ATP4B: variants seen among roughly 807,000 people sequenced by gnomAD.
ATP4B encodes the protein ATPase H+/K+ transporting subunit beta.
ATP4B carries 27 observed loss-of-function variants against 35.3 expected under a neutral mutation model. The observed-to-expected ratio is 0.76, with a 90% CI of 0.56 to 1.05. ATP4B has a LOEUF of 1.05. Among genes scored for constraint, ATP4B ranks in the 50% least tolerant of loss-of-function variants. The pLI is 0.00. For synonymous variants in ATP4B, 162 were observed against 156.0 expected (o/e 1.04, Z -0.29); for missense variants, 375 against 384.8 (o/e 0.97, Z 0.21).
In ATP4B at chr13:113,650,087, C is replaced by T. The variant is rs1391986987; in HGVS notation, c.714+319G>A. ...CTGAGGTGGGAGGATCACTTGAGCC[C>T]AGGTGGTTGAGGCTGCAATGAGCTA... On this transcript the variant is annotated intron_variant, in intron 6 of 6. Transcript: ENST00000335288. The surrounding 1 kb of genome is among the most constrained non-coding windows in gnomAD (Gnocchi z 5.0). Among the ~76,000 whole-genome samples, 4 of 151,264 alleles carry T rather than the reference C, an allele frequency of 2.6e-5. No homozygotes were observed. Among genetic ancestry groups the T allele is most frequent in the African/African-American group, 9.7e-5 (4 of 41,142 alleles).
chr13:113,654,757 G>T, intron 2 of ATP4B, 57 bp downstream of exon 2: 1 of 1,584,370 alleles, frequency 6.3e-7, no homozygotes, highest in South Asian at 1.2e-5. Context: ...CTCCAGAGCC[G>T]AGGAGGCGGC....
Position 113,649,503 on chromosome 13 carries a change from C to G in ATP4B, c.747G>C (p.Lys249Asn). 6.5e-7 allele frequency: 1 copy of G among 1,544,320 alleles called. No homozygotes were observed. The highest frequency in any genetic ancestry group is 8.8e-7 in the Non-Finnish European group (1 of 1,140,868). ...PHYSNPLVAA[K>N]LLNIPRNAEV... The stretch of plus-strand genomic sequence containing the variant: ...CAGCGTTCCTGGGGATGTTGAGGAG[C>G]TTCGCTGCCACCAGGGGGTTGCTGT... The change falls in exon 7 of 7, where the codon AAG becomes AAC. Residue 249 changes from lysine to asparagine, a missense_variant. Coordinates refer to ENST00000335288, the MANE Select transcript of ATP4B (RefSeq NM_000705.4). This position sits in a 1 kb window ranked among gnomAD's most constrained non-coding sequence, Gnocchi z 4.7.
chr13:113,649,630 C>T lies in ATP4B; in HGVS notation c.715-95G>A. ...GGAAGTGTCAACAGTCAGGTTGGTG[C>T]AGAGAAGCAGCTCTTTTGTGTAAGA... On this transcript the variant is annotated intron_variant, in intron 6 of 6. Transcript: ENST00000335288. This position sits in a 1 kb window ranked among gnomAD's most constrained non-coding sequence, Gnocchi z 4.7. 6 of 1,364,496 alleles carry T rather than the reference C, an allele frequency of 4.4e-6. No individual in the cohort carries two copies. In the East Asian group the frequency reaches 1.6e-4, roughly 37 times the overall value. 84.5% of individuals were successfully genotyped at this position (1,364,496 alleles called of 1,614,324 possible).
chr13:113,652,691 TGTATCTA>T, intron 4 of ATP4B, 175 bp downstream of exon 4: 2 of 721,764 alleles, frequency 2.8e-6, no homozygotes, highest in Non-Finnish European at 5.0e-6. Context: ...GTTTCAAATT[TGTATCTA>T]AGAACCACAC....
chr13:113,653,259 CCCGCCG>C (rs2049727299), intron 3 of ATP4B, 56 bp downstream of exon 3: 19 of 1,525,572 alleles, frequency 1.2e-5, no homozygotes, highest in Non-Finnish European at 1.4e-5. Flanking sequence ...ACCTCACCCA[CCCGCCG>C]CTTCACACCT....
chr13:113,656,607 G>A (rs766897321), intron 1 of ATP4B, among the ~76,000 whole-genome samples: 16 of 152,172 alleles, frequency 1.1e-4, no homozygotes, highest in Non-Finnish European at 2.2e-4. Flanking sequence ...TCCTGGGGCC[G>A]GCCGGGTGCA....
Position 113,650,443 on chromosome 13 carries a change from C to A in ATP4B, c.677G>T (p.Ser226Ile). The A allele has an allele frequency of 6.2e-7, 1 of 1,614,100 alleles. No homozygotes were observed. The highest frequency in any genetic ancestry group is 1.1e-5 in the South Asian group (1 of 91,086). ...CCCGTAATAAGGGAAGTAGTGCAGA[C>A]TGAAGGTGCCGTTGGGAGGGTAGTA... is the stretch of plus-strand genomic sequence containing the variant. ...VKYYPPNGTF[S>I]LHYFPYYGKK... is the part of the protein sequence containing the mutation. Residue 226 changes from serine to isoleucine, a missense_variant, in exon 6 of 7, where the codon AGT becomes ATT. Ser to Ile is a moderately radical substitution (Grantham distance 142, BLOSUM62 -2). Coordinates refer to ENST00000335288, the MANE Select transcript of ATP4B (RefSeq NM_000705.4). This position sits in a 1 kb window ranked among gnomAD's most constrained non-coding sequence, Gnocchi z 5.0.
intron 2 of ATP4B, 24 bp from the exon 3 acceptor site, chr13:113,653,458 T>C (rs371178123): frequency 1.3e-6 from 2 of 1,595,904 alleles, no homozygotes; most frequent in Non-Finnish European, 8.6e-7. Flanking sequence ...CCTTTGTGCT[T>C]AGCGTCTCCA....
In ATP4B at chr13:113,649,155, C is replaced by T. The variant is rs1025919620; in HGVS notation, c.*219G>A. On this transcript the variant is annotated 3_prime_UTR_variant, in exon 7 of 7. Transcript: ENST00000335288. The surrounding 1 kb of genome is among the most constrained non-coding windows in gnomAD (Gnocchi z 4.7). ...CTGGACATTCTTATAGCAGCAAATT[C>T]CATCTAAAAACTGTAAGAATTCAAC... 1.4e-4 allele frequency: 62 copies of T among 434,990 alleles called. No homozygotes were observed. The highest frequency in any genetic ancestry group is 2.3e-4 in the Non-Finnish European group (58 of 249,306). The allele number at this position is 434,990 out of a possible 1,614,324, so 26.9% of individuals were successfully genotyped here.
In ATP4B at chr13:113,651,738, A is replaced by C; in HGVS notation, c.556-11T>G. ...GAGGAACTTGACGATCTAGAAGGGA[A>C]AAGCTTGAGCGTGGCCGCTCCCCAC... On this transcript the variant is annotated splice_polypyrimidine_tract_variant and intron_variant, in intron 4 of 6. Transcript: ENST00000335288. The C allele has an allele frequency of 6.2e-7, 1 of 1,613,406 alleles. No homozygotes were observed.
At chr13:113,656,282 G>A (rs919451848) in intron 1 of ATP4B, among the ~76,000 whole-genome samples, 7 of 152,172 alleles carry the variant, frequency 4.6e-5, no homozygotes, top group African/African-American at 1.4e-4. Context: ...ACCTACGCTC[G>A]TGACGGCAGG....
chr13:113,651,980 G>A lies in ATP4B; in HGVS notation c.556-253C>T, dbSNP rs556990604. Among the ~76,000 whole-genome samples the A allele has an allele frequency of 9.9e-5, 15 of 152,192 alleles. No homozygotes were observed. In the South Asian group the frequency reaches 1.2e-3, roughly 13 times the overall value. On this transcript the variant is annotated intron_variant, in intron 4 of 6. Coordinates refer to ENST00000335288, the MANE Select transcript of ATP4B (RefSeq NM_000705.4). Reference sequence around the variant, plus strand: ...CCACTTGGCCCAGGCTTCAGGAGGCGGCTGGCAGGAGGCAGAGCTGGGGCG... The same window carrying A: ...CCACTTGGCCCAGGCTTCAGGAGGCAGCTGGCAGGAGGCAGAGCTGGGGCG...
intron 1 of ATP4B, among the ~76,000 whole-genome samples, chr13:113,656,083 C>G (rs2049752384): frequency 6.6e-6 from 1 of 152,260 alleles, no homozygotes; most frequent in African/African-American, 2.4e-5. Flanking sequence ...GCCACAGCAG[C>G]TTGGCTTCAG....
At position 113,650,393 on chromosome 13, in the gene ATP4B, G is replaced by T. The variant is rs778828897; in HGVS notation, c.714+13C>A. 1 of 1,612,228 alleles carries T rather than the reference G, an allele frequency of 6.2e-7. No homozygotes were observed. The highest frequency in any genetic ancestry group is 1.1e-5 in the South Asian group (1 of 91,008). On this transcript the variant is annotated intron_variant, in intron 6 of 6. Coordinates refer to ENST00000335288, the MANE Select transcript of ATP4B (RefSeq NM_000705.4). The surrounding 1 kb of genome is among the most constrained non-coding windows in gnomAD (Gnocchi z 5.0). ...CAGCTGTGGTGAGGGAAGCGTGGAA[G>T]GAAGGAACCTACCTGGGCTTTCTTC...
In ATP4B at chr13:113,649,092, G is replaced by A. The variant is rs955139640; in HGVS notation, c.*282C>T. The A allele has an allele frequency of 1.1e-5, 3 of 282,544 alleles. No individual in the cohort carries two copies. The highest frequency in any genetic ancestry group is 2.2e-5 in the African/African-American group (1 of 44,568). 17.5% of individuals were successfully genotyped at this position (282,544 alleles called of 1,614,324 possible). A position where few individuals can be genotyped will look rare whatever the true frequency, so the allele number is the denominator to read the frequency against. ...GAAGACGAATCGTTTTTATGACCTG[G>A]TTAATTAGAGAGTTGCTGCCTTGCG... On this transcript the variant is annotated 3_prime_UTR_variant, in exon 7 of 7. Coordinates refer to ENST00000335288, the MANE Select transcript of ATP4B (RefSeq NM_000705.4). This position sits in a 1 kb window ranked among gnomAD's most constrained non-coding sequence, Gnocchi z 4.7.
intron 1 of ATP4B, 78 bp from the exon 2 acceptor site, chr13:113,655,020 G>T: frequency 1.3e-6 from 2 of 1,556,908 alleles, no homozygotes; most frequent in Non-Finnish European, 1.7e-6. Flanking sequence ...GAGCGCGTCC[G>T]TGATGTGGCG....
chr13:113,650,554 G>A lies in ATP4B; in HGVS notation c.613-47C>T. On this transcript the variant is annotated intron_variant, in intron 5 of 6. Transcript: ENST00000335288. The surrounding 1 kb of genome is among the most constrained non-coding windows in gnomAD (Gnocchi z 5.0). ...CTGAGTCAGGCGGGAGCTGGTGTGTGCCGGTGTCTGTGTGTTGCGTTTGTG... is the reference window on the plus strand; with the variant it reads ...CTGAGTCAGGCGGGAGCTGGTGTGTACCGGTGTCTGTGTGTTGCGTTTGTG... The A allele has an allele frequency of 6.6e-7, 1 of 1,505,680 alleles. No individual in the cohort carries two copies. Among genetic ancestry groups the A allele is most frequent in the Non-Finnish European group, 9.1e-7 (1 of 1,100,616 alleles). 93.3% of individuals were successfully genotyped at this position (1,505,680 alleles called of 1,614,324 possible). A position where few individuals can be genotyped will look rare whatever the true frequency, so the allele number is the denominator to read the frequency against.
intron 2 of ATP4B, among the ~76,000 whole-genome samples, chr13:113,653,638 G>A (rs1272537489): frequency 6.6e-6 from 1 of 152,214 alleles, no homozygotes; most frequent in Non-Finnish European, 1.5e-5. Flanking sequence ...AGTTGCCCCG[G>A]CCCTGGAACC....
chr13:113,658,032 C>G lies in ATP4B; in HGVS notation c.112+1G>C. 6.3e-7 allele frequency: 1 copy of G among 1,597,594 alleles called. No homozygotes were observed. The highest frequency in any genetic ancestry group is 8.5e-7 in the Non-Finnish European group (1 of 1,173,716). On this transcript the variant is annotated splice_donor_variant, in intron 1 of 6. Coordinates refer to ENST00000335288, the MANE Select transcript of ATP4B (RefSeq NM_000705.4). LOFTEE classifies it high-confidence loss of function. ...CCAGCCGGCCCGCCCCCCGCACGTA[C>G]CCCACCGGGACAGGGTGCGGCCCAG...
Sources: allele counts gnomAD v4.1 joint callset (sites outside exome capture counted in the v4.1 genomes callset), GRCh38; gene constraint gnomAD v4.1.1; non-coding constraint Gnocchi (gnomAD v3.1); transcripts MANE v1.5; gene names NCBI Gene and HGNC (gene_info 2026-07-23, HGNC 2026-07-21).